The following STS variants were observed in gnomAD, a reference collection of about 807,000 sequenced individuals.
STS encodes the protein steroid sulfatase.
A neutral mutation model predicts 26.8 loss-of-function variants in STS; 7 were observed. The observed-to-expected ratio is 0.26, with a 90% CI of 0.15 to 0.49. The LOEUF is 0.49. Among genes scored for constraint, STS ranks in the 20% least tolerant of loss-of-function variants. The pLI, the probability that STS is intolerant of heterozygous loss-of-function variation, is 0.98. For synonymous variants in STS, 199 were observed against 189.4 expected, an observed-to-expected ratio of 1.05 and a Z score of -0.42; for missense variants, 434 against 465.6, an observed-to-expected ratio of 0.93 and a Z score of 0.63.
At chrX:7,201,229 G>T (rs1041271414) in intron 2 of STS, among the ~76,000 whole-genome samples, 2 of 111,500 alleles carry the variant, frequency 1.8e-5, no homozygotes, top group African/African-American at 6.5e-5. Flanking sequence ...TATCTAGATT[G>T]ATATATAGGT....
chrX:7,200,537 T>A (rs1198645057), intron 2 of STS, among the ~76,000 whole-genome samples: 1 of 111,599 alleles, frequency 9.0e-6, no homozygotes, highest in Non-Finnish European at 1.9e-5. Flanking sequence ...TTGCTGTCTT[T>A]GGATGTTTCT....
chrX:7,207,067 G>A (rs1288514400), intron 2 of STS, among the ~76,000 whole-genome samples: 1 of 111,332 alleles, frequency 9.0e-6, no homozygotes, highest in Non-Finnish European at 1.9e-5. Context: ...AAAGTCACTT[G>A]TCATCTCAAT....
intron 2 of STS, among the ~76,000 whole-genome samples, chrX:7,209,153 C>A (rs1249068808): frequency 9.0e-6 from 1 of 111,221 alleles, no homozygotes; most frequent in East Asian, 2.8e-4. Context: ...GCCCACAACA[C>A]GTCCCTTTCT....
intron 2 of STS, among the ~76,000 whole-genome samples, chrX:7,244,559 A>G (rs1461221861): frequency 8.9e-6 from 1 of 111,764 alleles, no homozygotes; most frequent in Non-Finnish European, 1.9e-5. Context: ...GGCGGGTAAC[A>G]TGCTAGCACT....
chrX:7,219,926 C>T (rs1376411568), intron 2 of STS, among the ~76,000 whole-genome samples: 1 of 112,436 alleles, frequency 8.9e-6, no homozygotes, highest in Non-Finnish European at 1.9e-5. Context: ...ACATGCAAAT[C>T]GCTTTTGTGG....
chrX:7,272,296 A>G lies in STS; in HGVS notation c.807-3655A>G, dbSNP rs781603737. On this transcript the variant is annotated intron_variant, in intron 6 of 10. Transcript: ENST00000674429. ...TGGACCATAGGAGATGACCCCTTCA[A>G]AGTAAGAAGAGACTTAGGAGAGAAG... 2.8e-5 allele frequency among the ~76,000 whole-genome samples: 3 copies of G among 108,002 alleles called. No individual in the cohort carries two copies. In the East Asian group the frequency reaches 8.8e-4, roughly 32 times the overall value. 93.8% of individuals were successfully genotyped at this position (108,002 alleles called of 115,157 possible). A position where few individuals can be genotyped will look rare whatever the true frequency, so the allele number is the denominator to read the frequency against.
intron 5 of STS, among the ~76,000 whole-genome samples, chrX:7,258,624 C>T (rs1206480948): frequency 9.0e-6 from 1 of 111,489 alleles, no homozygotes; most frequent in African/African-American, 3.3e-5. Context: ...CTCAGAGGAG[C>T]AAAATGACCC....
intron 2 of STS, among the ~76,000 whole-genome samples, chrX:7,225,973 C>T (rs1921786941): frequency 1.8e-5 from 2 of 112,065 alleles, no homozygotes; most frequent in African/African-American, 3.2e-5. Flanking sequence ...TCTTCTTTTT[C>T]TCTTTTCTTA....
At chrX:7,288,316 A>G (rs1335759951) in intron 7 of STS, among the ~76,000 whole-genome samples, 2 of 110,127 alleles carry the variant, frequency 1.8e-5, no homozygotes, top group Admixed American at 9.8e-5. Flanking sequence ...AAAATACTCA[A>G]ATATTCATCC....
chrX:7,240,465 GCACACACA>G (rs3077768), intron 2 of STS, among the ~76,000 whole-genome samples: 1 of 85,141 alleles, frequency 1.2e-5, no homozygotes, highest in Admixed American at 1.3e-4. Flanking sequence ...GAGCGCGCGC[GCACACACA>G]CACACACACA....
At chrX:7,233,047 C>T (rs1239255719) in intron 2 of STS, among the ~76,000 whole-genome samples, 1 of 110,195 alleles carries the variant, frequency 9.1e-6, no homozygotes, top group Non-Finnish European at 1.9e-5. Flanking sequence ...CCAGTTAAAC[C>T]TCTTTCCTTT....
At chrX:7,296,500 A>G (rs1456649700) in intron 7 of STS, among the ~76,000 whole-genome samples, 8 of 111,855 alleles carry the variant, frequency 7.2e-5, no homozygotes, top group Non-Finnish European at 1.9e-5. Context: ...CGATAACCCT[A>G]TGGAAACGAT....
intron 2 of STS, among the ~76,000 whole-genome samples, chrX:7,244,782 A>G (rs1447341280): frequency 9.0e-6 from 1 of 111,388 alleles, no homozygotes; most frequent in Non-Finnish European, 1.9e-5. Context: ...TCCAGTCCAC[A>G]TGTCAATAGT....
At chrX:7,273,242 T>C (rs1924372947) in intron 6 of STS, among the ~76,000 whole-genome samples, 1 of 111,491 alleles carries the variant, frequency 9.0e-6, no homozygotes, top group South Asian at 3.8e-4. Flanking sequence ...TAGGGTTCCC[T>C]TTTCTGAGCC....
intron 8 of STS, among the ~76,000 whole-genome samples, chrX:7,322,357 C>A (rs1161316174): frequency 1.8e-5 from 2 of 111,620 alleles, no homozygotes; most frequent in Non-Finnish European, 3.8e-5. Flanking sequence ...ACAACGGAGG[C>A]CTTCAGAGAA....
chrX:7,278,387 G>A (rs757789699), intron 7 of STS, among the ~76,000 whole-genome samples: 4 of 112,109 alleles, frequency 3.6e-5, no homozygotes, highest in Non-Finnish European at 3.8e-5. Flanking sequence ...TGAGATGGAA[G>A]CGGTTAACTA....
intron 1 of STS, among the ~76,000 whole-genome samples, chrX:7,183,721 C>T (rs1933723351): frequency 2.7e-5 from 3 of 111,852 alleles, no homozygotes; most frequent in South Asian, 3.8e-4. Context: ...ATTGTAATAC[C>T]GGCCGGGCAT....
At chrX:7,209,587 T>A (rs1920981319) in intron 2 of STS, among the ~76,000 whole-genome samples, 1 of 107,252 alleles carries the variant, frequency 9.3e-6, no homozygotes, top group Admixed American at 1.0e-4. Context: ...AATATTTATT[T>A]TCATATTATT....
At chrX:7,270,506 T>C (rs1348510275) in intron 6 of STS, among the ~76,000 whole-genome samples, 1 of 111,970 alleles carries the variant, frequency 8.9e-6, no homozygotes, top group Non-Finnish European at 1.9e-5. Context: ...TGTTCCTGAA[T>C]GGTAAATCTT....
Sources: gnomAD v4.1 joint callset for allele counts (sites outside exome capture counted in the v4.1 genomes callset) on GRCh38, gnomAD v4.1.1 for gene constraint, MANE v1.5 for transcripts, NCBI Gene and HGNC (gene_info 2026-07-23, HGNC 2026-07-21) for gene names.